AVPI1: variants seen among roughly 807,000 people sequenced by gnomAD.
The protein encoded by AVPI1 is arginine vasopressin induced 1, also known as arginine vasopressin-induced protein 1.
In AVPI1, 9 loss-of-function variants were observed where a neutral mutation model predicts 11.9. The observed-to-expected ratio is 0.76, with a 90% CI of 0.46 to 1.32. The LOEUF (loss-of-function observed/expected upper bound fraction) is 1.32, where lower values mean the gene tolerates loss of function less well. Ranked by LOEUF, AVPI1 falls within the 40% of genes most tolerant of loss-of-function variation. The pLI is 0.00. For synonymous variants in AVPI1, 68 were observed against 78.1 expected (o/e 0.87, Z 0.68); for missense variants, 207 against 195.8 (o/e 1.06, Z -0.34).
chr10:97,679,797 G>A lies in AVPI1; in HGVS notation c.109C>T (p.Leu37=). Residue 37 remains leucine (L), a synonymous_variant, in exon 2 of 3, where the codon CTG becomes TTG. Transcript: ENST00000370626. The part of the protein sequence containing the change: ...SANIFQDAEL[L]QIQALFQRSG... ...CGTTGAAACAGGGCTTGGATCTGCA[G>A]CAGCTCGGCGTCCTGGAAGATGTTG... 1.9e-6 allele frequency: 3 copies of A among 1,613,712 alleles called. No homozygotes were observed. Among genetic ancestry groups the A allele is most frequent in the Non-Finnish European group, 2.5e-6 (3 of 1,179,976 alleles).
In AVPI1 at chr10:97,680,161, CAG is replaced by C. The variant is rs1221372619; in HGVS notation, c.-10-248_-10-247del. On this transcript the variant is annotated intron_variant, in intron 1 of 2. Transcript: ENST00000370626. ...ATTTTACCGATGAAGAAGTGCAACT[CAG>C]AGGGGTTAAATGACTTGCCAGCGTC... is the stretch of plus-strand genomic sequence containing the variant. 3.9e-5 allele frequency among the ~76,000 whole-genome samples: 6 copies of C among 152,298 alleles called. No homozygotes were observed. The South Asian group carries it at 8.3e-4, about 21-fold the overall frequency.
At chr10:97,678,491 G>A (rs986709796) in intron 2 of AVPI1, among the ~76,000 whole-genome samples, 1 of 152,184 alleles carries the variant, frequency 6.6e-6, no homozygotes, top group Non-Finnish European at 1.5e-5. Flanking sequence ...TTGAGGCCAA[G>A]TGGTTCAGCT....
At chr10:97,684,695 T>G (rs902022603) in intron 1 of AVPI1, among the ~76,000 whole-genome samples, 1 of 152,100 alleles carries the variant, frequency 6.6e-6, no homozygotes, top group East Asian at 1.9e-4. Flanking sequence ...AGACAAGGTT[T>G]CACCATGTTG....
Position 97,679,880 on chromosome 10 carries a change from C to G in AVPI1, c.26G>C (p.Ser9Thr). ...CGGGGCCTGCCAAGGGGGTGGCTCA[C>G]TGACCACCGAGGCTGGGGTACCCAT... MGTPASVV[S>T]EPPPWQAPIE... The change falls in exon 2 of 3, where the codon AGT (serine) becomes ACT (threonine). Residue 9 changes from serine (S) to threonine (T), a missense_variant. By Grantham distance (58) the Ser-to-Thr change is moderately conservative. Transcript: ENST00000370626. 6.3e-7 allele frequency: 1 copy of G among 1,589,374 alleles called. No individual in the cohort carries two copies. The highest frequency in any genetic ancestry group is 8.5e-7 in the Non-Finnish European group (1 of 1,171,888).
chr10:97,681,352 G>A (rs1250085955), intron 1 of AVPI1, among the ~76,000 whole-genome samples: 1 of 152,158 alleles, frequency 6.6e-6, no homozygotes, highest in South Asian at 2.1e-4. Flanking sequence ...GGGAGGTGAG[G>A]CGGGCGGATC....
intron 1 of AVPI1, among the ~76,000 whole-genome samples, chr10:97,682,697 C>T (rs549927891): frequency 2.0e-5 from 3 of 152,194 alleles, no homozygotes; most frequent in African/African-American, 7.2e-5. Context: ...AGTTTCCAGG[C>T]CTTCTATCAT....
intron 1 of AVPI1, among the ~76,000 whole-genome samples, chr10:97,682,884 AG>A (rs1473195707): frequency 6.6e-6 from 1 of 152,270 alleles, no homozygotes; most frequent in African/African-American, 2.4e-5. Context: ...ATGGTAATTA[AG>A]CCCCCAGAGC....
rs2041675176 is a variant in AVPI1 at position 97,677,970 on chromosome 10, A to C, written c.343T>G (p.Ser115Ala). 6.2e-7 allele frequency: 1 copy of C among 1,614,128 alleles called. No individual in the cohort carries two copies. The highest frequency in any genetic ancestry group is 8.5e-7 in the Non-Finnish European group (1 of 1,180,026). The change falls in exon 3 of 3, where the codon TCC (serine) becomes GCC (alanine). Residue 115 changes from serine (S) to alanine (A), a missense_variant. Coordinates refer to ENST00000370626, the MANE Select transcript of AVPI1 (RefSeq NM_021732.3). ...ANPQSATETASSEQYLHSRKK... is the reference protein window; with the variant it reads ...ANPQSATETAASEQYLHSRKK... The stretch of plus-strand genomic sequence containing the variant: ...CTAGAGTGCAGATACTGCTCACTGG[A>C]GGCTGTCTCTGTGGCACTCTGTGGG...
chr10:97,677,855 G>A lies in AVPI1; in HGVS notation c.*14C>T, dbSNP rs1440618553. On this transcript the variant is annotated 3_prime_UTR_variant, in exon 3 of 3. Transcript: ENST00000370626. ...AAGAGGGAAGACACTGCCATTCCTGGCTCTTTCCCTGGATCAGTGTCTGAT... is the reference window on the plus strand; with the variant it reads ...AAGAGGGAAGACACTGCCATTCCTGACTCTTTCCCTGGATCAGTGTCTGAT... 6.2e-7 allele frequency: 1 copy of A among 1,613,260 alleles called. No individual in the cohort carries two copies. Among genetic ancestry groups the A allele is most frequent in the Non-Finnish European group, 8.5e-7 (1 of 1,179,398 alleles).
Position 97,679,646 on chromosome 10 carries a change from T to C in AVPI1, c.260A>G (p.His87Arg). 6.2e-7 allele frequency: 1 copy of C among 1,613,326 alleles called. No individual in the cohort carries two copies. The highest frequency in any genetic ancestry group is 8.5e-7 in the Non-Finnish European group (1 of 1,179,722). The change falls in exon 2 of 3, where the codon CAC (histidine) becomes CGC (arginine). Residue 87 changes from histidine to arginine, a missense_variant. His to Arg is a conservative substitution (Grantham distance 29). Coordinates refer to ENST00000370626, the MANE Select transcript of AVPI1 (RefSeq NM_021732.3). The stretch of plus-strand genomic sequence containing the variant: ...GAGGCGGCTGCAGTGGTGTAGCGAG[T>C]GGCCCAGGGGTTTCTGCCTTGGGGG... ...KRPPRQKPLG[H>R]SLHHCSRLRI...
chr10:97,679,207 T>G (rs1029871594), intron 2 of AVPI1, among the ~76,000 whole-genome samples: 2 of 145,988 alleles, frequency 1.4e-5, no homozygotes, highest in Non-Finnish European at 3.0e-5. Context: ...TGCGGTGGCG[T>G]CATCTCAGCT....
rs191123799 is a variant in AVPI1 at position 97,678,181 on chromosome 10, C to T, written c.288-156G>A. Among the ~76,000 whole-genome samples, 5 of 152,302 alleles carry T rather than the reference C, an allele frequency of 3.3e-5. No individual in the cohort carries two copies. The East Asian group carries it at 9.6e-4, about 29-fold the overall frequency. Reference sequence around the variant, plus strand: ...CTTTCCCCCTCTGAGAACTGTCTGACTAGACAAAGTTTACAGATTTCTCTG... The same window carrying T: ...CTTTCCCCCTCTGAGAACTGTCTGATTAGACAAAGTTTACAGATTTCTCTG... On this transcript the variant is annotated intron_variant, in intron 2 of 2. Transcript: ENST00000370626.
At chr10:97,686,701 T>G (rs373931813) in intron 1 of AVPI1, 65 bp downstream of exon 1, 11 of 152,280 alleles carry the variant, frequency 7.2e-5, no homozygotes, top group African/African-American at 2.6e-4. Flanking sequence ...AAGTCAGGAC[T>G]CCCAAGCTAG....
intron 1 of AVPI1, among the ~76,000 whole-genome samples, chr10:97,684,825 C>A (rs2041721242): frequency 6.6e-6 from 1 of 152,154 alleles, no homozygotes; most frequent in Admixed American, 6.5e-5. Context: ...GGCTCTGTCT[C>A]TTATTCTGGG....
Position 97,680,577 on chromosome 10 carries a change from T to TC in AVPI1, c.-10-663dup, listed in dbSNP as rs2041699004. 2.6e-5 allele frequency among the ~76,000 whole-genome samples: 4 copies of TC among 152,154 alleles called. No individual in the cohort carries two copies. The Middle Eastern group carries it at 0.01, about 388-fold the overall frequency. On this transcript the variant is annotated intron_variant, in intron 1 of 2. Transcript: ENST00000370626. The stretch of plus-strand genomic sequence containing the variant: ...CCCTCCACCACTTACTGGCTGGGCA[T>TC]CCCCCCTGCCTCAGCTGCCTCCCGT...
chr10:97,679,042 C>CT (rs2041687435), intron 2 of AVPI1, among the ~76,000 whole-genome samples: 1 of 139,708 alleles, frequency 7.2e-6, no homozygotes, highest in South Asian at 2.5e-4. Context: ...GGCTGGTAAG[C>CT]TGAGAATAAC....
intron 1 of AVPI1, among the ~76,000 whole-genome samples, chr10:97,683,316 C>T (rs2041713760): frequency 6.6e-6 from 1 of 152,170 alleles, no homozygotes; most frequent in Non-Finnish European, 1.5e-5. Flanking sequence ...CCCCACCACT[C>T]CCGACTAATT....
Position 97,679,799 on chromosome 10 carries a change from A to T in AVPI1, c.107T>A (p.Leu36Gln), listed in dbSNP as rs11556392. ...ASANIFQDAE[L>Q]LQIQALFQRS... ...TTGAAACAGGGCTTGGATCTGCAGCAGCTCGGCGTCCTGGAAGATGTTGGC... is the reference window on the plus strand; with the variant it reads ...TTGAAACAGGGCTTGGATCTGCAGCTGCTCGGCGTCCTGGAAGATGTTGGC... Residue 36 changes from leucine to glutamine, a missense_variant, in exon 2 of 3, where the codon CTG becomes CAG. Physicochemically the swap from Leu to Gln is moderately radical, Grantham distance 113 (BLOSUM62 -2). Transcript: ENST00000370626. 7.4e-6 allele frequency: 12 copies of T among 1,613,526 alleles called. No individual in the cohort carries two copies. Among genetic ancestry groups the T allele is most frequent in the Non-Finnish European group, 1.0e-5 (12 of 1,179,968 alleles).
intron 2 of AVPI1, 118 bp downstream of exon 2, chr10:97,679,501 C>A: frequency 3.9e-6 from 5 of 1,279,834 alleles, no homozygotes; most frequent in Non-Finnish European, 4.2e-6. Flanking sequence ...ATAACCACCC[C>A]AATGGTGGGC....
Sources: allele counts gnomAD v4.1 joint callset (sites outside exome capture counted in the v4.1 genomes callset), GRCh38; gene constraint gnomAD v4.1.1; transcripts MANE v1.5; gene names NCBI Gene and HGNC (gene_info 2026-07-23, HGNC 2026-07-21).